HS2ST1: variants seen among roughly 807,000 people sequenced by gnomAD.
The protein encoded by HS2ST1 is 2-O-sulfotransferase.
In HS2ST1, 18 loss-of-function variants were observed where a neutral mutation model predicts 42.9. That is an observed-to-expected ratio of 0.42 (90% CI 0.29 to 0.62). The LOEUF is 0.62. Among genes scored for constraint, HS2ST1 ranks in the 20% least tolerant of loss-of-function variants. The probability of loss-of-function intolerance (pLI) is 0.21; values close to 1 mark genes in which losing one functional copy is unlikely to be tolerated. For missense variants in HS2ST1, 334 were observed against 433.8 expected (o/e 0.77, Z 2.04); for synonymous variants, 146 against 152.9 (o/e 0.95, Z 0.33).
chr1:87,023,508 C>T (rs1455525965), intron 1 of HS2ST1, among the ~76,000 whole-genome samples: 2 of 151,230 alleles, frequency 1.3e-5, no homozygotes, highest in African/African-American at 2.4e-5. Context: ...GTATAACATG[C>T]TATCACTGGC....
Position 86,977,080 on chromosome 1 carries a change from C to T in HS2ST1, c.124+61920C>T, listed in dbSNP as rs367737971. ...ACAAAACAACAACAACAACAAAAACCATGGCATCATAATCTGATTTGGTAT... is the reference window on the plus strand; with the variant it reads ...ACAAAACAACAACAACAACAAAAACTATGGCATCATAATCTGATTTGGTAT... On this transcript the variant is annotated intron_variant, in intron 1 of 6. Coordinates refer to ENST00000370550, the MANE Select transcript of HS2ST1 (RefSeq NM_012262.4). Among the ~76,000 whole-genome samples the T allele has an allele frequency of 1.3e-3, 193 of 152,088 alleles. 10 individuals carry two copies. The South Asian group carries it at 0.04, about 31-fold the overall frequency.
Position 87,001,872 on chromosome 1 carries a change from C to G in HS2ST1, c.125-71062C>G, listed in dbSNP as rs1459947232. On this transcript the variant is annotated intron_variant, in intron 1 of 6. Coordinates refer to ENST00000370550, the MANE Select transcript of HS2ST1 (RefSeq NM_012262.4). ...ATGTGATCCGTCCACATCGGCCTCC[C>G]AAAGTGCTGGGATTACAGGTGTGAG... Among the ~76,000 whole-genome samples the G allele has an allele frequency of 4.6e-5, 7 of 152,078 alleles. No homozygotes were observed. The South Asian group carries it at 1.5e-3, about 32-fold the overall frequency.
intron 1 of HS2ST1, among the ~76,000 whole-genome samples, chr1:86,954,877 A>G (rs1647633632): frequency 6.6e-6 from 1 of 152,114 alleles, no homozygotes; most frequent in Non-Finnish European, 1.5e-5. Context: ...TCTGAAATCC[A>G]CTTGAGCCCA....
At chr1:87,080,369 T>C (rs1237005854) in intron 2 of HS2ST1, among the ~76,000 whole-genome samples, 1 of 152,178 alleles carries the variant, frequency 6.6e-6, no homozygotes, top group Non-Finnish European at 1.5e-5. Context: ...GAGAGAGTTA[T>C]ATCAACAGAG....
intron 1 of HS2ST1, among the ~76,000 whole-genome samples, chr1:86,961,819 A>G (rs1389311477): frequency 1.3e-5 from 2 of 152,014 alleles, no homozygotes; most frequent in Non-Finnish European, 2.9e-5. Flanking sequence ...TTTTCTCTAT[A>G]TGGATGTGCC....
intron 4 of HS2ST1, among the ~76,000 whole-genome samples, chr1:87,094,496 G>T (rs1428037374): frequency 2.6e-5 from 4 of 152,024 alleles, no homozygotes; most frequent in African/African-American, 9.7e-5. Context: ...AGGAAACTGT[G>T]GGGCACAGAA....
intron 1 of HS2ST1, among the ~76,000 whole-genome samples, chr1:87,016,749 A>G (rs979281334): frequency 5.3e-5 from 8 of 152,104 alleles, no homozygotes; most frequent in Non-Finnish European, 4.4e-5. Flanking sequence ...CCGTGCCCCC[A>G]TTCTACCTTT....
At chr1:87,046,598 G>T in intron 1 of HS2ST1, 1 of 1,576,472 alleles carries the variant, frequency 6.3e-7, no homozygotes, top group South Asian at 1.1e-5. Context: ...AGTTCTGTTG[G>T]ACTGGGCTGA....
At chr1:87,033,021 A>G (rs1278791094) in intron 1 of HS2ST1, among the ~76,000 whole-genome samples, 2 of 152,198 alleles carry the variant, frequency 1.3e-5, no homozygotes, top group African/African-American at 2.4e-5. Context: ...TCCAATCATG[A>G]TGAACCTCCA....
At chr1:86,935,981 A>G (rs576380850) in intron 1 of HS2ST1, among the ~76,000 whole-genome samples, 40 of 152,318 alleles carry the variant, frequency 2.6e-4, no homozygotes, top group South Asian at 1.0e-3. Context: ...GTATGATACT[A>G]TTAATTAAAC....
intron 1 of HS2ST1, chr1:87,045,389 G>A (rs1650625210): frequency 6.9e-6 from 10 of 1,458,672 alleles, no homozygotes; most frequent in Non-Finnish European, 9.6e-6. Flanking sequence ...TATTAGGATT[G>A]TTCCTTTCCC....
At chr1:86,974,477 C>G (rs1648335095) in intron 1 of HS2ST1, among the ~76,000 whole-genome samples, 1 of 152,232 alleles carries the variant, frequency 6.6e-6, no homozygotes, top group South Asian at 2.1e-4. Flanking sequence ...AAAGTGCTTT[C>G]CTGAGTTTTG....
intron 1 of HS2ST1, among the ~76,000 whole-genome samples, chr1:87,037,194 A>G (rs1274814304): frequency 5.4e-5 from 1 of 18,582 alleles, no homozygotes; most frequent in East Asian, 0.011. Context: ...AATGTTTAAT[A>G]TGTAATTCTA....
chr1:86,973,063 ACTTG>A (rs1457046718), intron 1 of HS2ST1, among the ~76,000 whole-genome samples: 3 of 152,148 alleles, frequency 2.0e-5, no homozygotes, highest in Non-Finnish European at 4.4e-5. Context: ...AACCTTGATC[ACTTG>A]TTAAGGTGGT....
intron 1 of HS2ST1, among the ~76,000 whole-genome samples, chr1:86,988,052 A>G (rs1648841545): frequency 6.6e-6 from 1 of 152,108 alleles, no homozygotes; most frequent in Non-Finnish European, 1.5e-5. Context: ...CCTCAGCTCC[A>G]TTTGCAGTGG....
At chr1:87,030,323 C>A (rs1027077971) in intron 1 of HS2ST1, among the ~76,000 whole-genome samples, 4 of 152,100 alleles carry the variant, frequency 2.6e-5, no homozygotes, top group African/African-American at 7.2e-5. Flanking sequence ...ACATAGGAGA[C>A]CCTATCTCTA....
At chr1:86,952,611 T>C (rs1236563020) in intron 1 of HS2ST1, among the ~76,000 whole-genome samples, 1 of 152,248 alleles carries the variant, frequency 6.6e-6, no homozygotes, top group African/African-American at 2.4e-5. Context: ...TTAGCAGTTA[T>C]GAAAACAACT....
intron 1 of HS2ST1, among the ~76,000 whole-genome samples, chr1:86,927,317 A>G (rs1223959854): frequency 1.3e-5 from 2 of 152,162 alleles, no homozygotes; most frequent in African/African-American, 2.4e-5. Flanking sequence ...GCATGGCACA[A>G]TTCTTGCTAA....
Position 86,929,545 on chromosome 1 carries a change from A to G in HS2ST1, c.124+14385A>G, listed in dbSNP as rs575216394. ...TACTGGACTCTCTTCACTCTTTCCT[A>G]TTAATACCTGTGAAATTGACAATTT... On this transcript the variant is annotated intron_variant, in intron 1 of 6. Coordinates refer to ENST00000370550, the MANE Select transcript of HS2ST1 (RefSeq NM_012262.4). 6.9e-4 allele frequency among the ~76,000 whole-genome samples: 105 copies of G among 151,962 alleles called. 1 individual carries two copies. The highest frequency in any genetic ancestry group is 2.4e-3 in the African/African-American group (98 of 41,538).
Sources: gnomAD v4.1 joint callset for allele counts (sites outside exome capture counted in the v4.1 genomes callset) on GRCh38, gnomAD v4.1.1 for gene constraint, MANE v1.5 for transcripts, NCBI Gene and HGNC (gene_info 2026-07-23, HGNC 2026-07-21) for gene names.